Variants in COL20A1 observed in about 807,000 individuals in gnomAD.
The protein encoded by COL20A1 is collagen alpha-1(XX) chain.
COL20A1 carries 164 observed loss-of-function variants against 152.9 expected under a neutral mutation model. The ratio of observed to expected loss-of-function variants is 1.07; its 90% CI spans 0.94 to 1.22. The LOEUF (loss-of-function observed/expected upper bound fraction) is 1.22. Ranked by LOEUF, COL20A1 falls within the 50% of genes most tolerant of loss-of-function variation. The pLI is 0.00. For synonymous variants in COL20A1, 864 were observed against 756.0 expected, an observed-to-expected ratio of 1.14 and a Z score of -2.34; for missense variants, 1,873 against 1,744.8, an observed-to-expected ratio of 1.07 and a Z score of -1.31.
Position 63,315,448 on chromosome 20 carries a change from T to C in COL20A1, c.2524+9T>C. The C allele has an allele frequency of 6.4e-7, 1 of 1,568,008 alleles. No individual in the cohort carries two copies. The highest frequency in any genetic ancestry group is 8.6e-7 in the Non-Finnish European group (1 of 1,161,618). On this transcript the variant is annotated intron_variant, in intron 20 of 35. Coordinates refer to ENST00000358894, the MANE Select transcript of COL20A1 (RefSeq NM_020882.4). ...TGACGGCTCCCTCCCAGGTGGGTCC[T>C]GCATGCCCTCCCCTGCCTGCCCACC...
At chr20:63,329,777 CA>C in intron 35 of COL20A1, 116 bp downstream of exon 35, 1 of 716,514 alleles carries the variant, frequency 1.4e-6, no homozygotes, top group Non-Finnish European at 2.2e-6. Flanking sequence ...GCTGGGAGCA[CA>C]AGGCCCAGCA....
intron 18 of COL20A1, 47 bp from the exon 19 acceptor site, chr20:63,314,025 G>A (rs759876787): frequency 3.7e-6 from 6 of 1,611,542 alleles, no homozygotes; most frequent in Non-Finnish European, 4.2e-6. Context: ...GCGTGGACGA[G>A]CAAAGTTGCC....
rs1438345639 is a variant in COL20A1 at position 63,328,494 on chromosome 20, C to T, written c.3777C>T (p.Gly1259=). ...EWGRGGRHLE[G]RGEPGAVGQM... is the part of the protein sequence containing the mutation. ...GGCGTGGTGGCCGCCACCTTGAGGG[C>T]AGAGGTACTGGGCTCCTGGCTCTTG... The change falls in exon 34 of 36, where the codon GGC becomes GGT. Residue 1259 remains glycine, a synonymous_variant. Coordinates refer to ENST00000358894, the MANE Select transcript of COL20A1 (RefSeq NM_020882.4). 3.1e-6 allele frequency: 5 copies of T among 1,610,518 alleles called. No individual in the cohort carries two copies. Among genetic ancestry groups the T allele is most frequent in the Admixed American group, 3.3e-5 (2 of 59,830 alleles).
In COL20A1 at chr20:63,327,945, T is replaced by A. The variant is rs775493621; in HGVS notation, c.3529-7T>A. The A allele has an allele frequency of 5.6e-6, 9 of 1,596,096 alleles. No homozygotes were observed. The highest frequency in any genetic ancestry group is 7.7e-6 in the Non-Finnish European group (9 of 1,170,790). On this transcript the variant is annotated splice_region_variant and splice_polypyrimidine_tract_variant and intron_variant, in intron 31 of 35. Transcript: ENST00000358894. Reference sequence around the variant, plus strand: ...GCTGACTTCTTTTCTCTTCCCCTCCTCATCAGGGACTGCCAGGGCCCAAAG... The same window carrying A: ...GCTGACTTCTTTTCTCTTCCCCTCCACATCAGGGACTGCCAGGGCCCAAAG...
chr20:63,316,568 T>G lies in COL20A1; in HGVS notation c.2540T>G (p.Val847Gly). ...DGSLPGFDLM[V>G]AFSLVEKAYA... Reference sequence around the variant, plus strand: ...TCTTCCCCAGGGTTTGACCTGATGGTGGCCTTCAGCCTGGTGGAAAAGGCT... The same window carrying G: ...TCTTCCCCAGGGTTTGACCTGATGGGGGCCTTCAGCCTGGTGGAAAAGGCT... The change falls in exon 21 of 36, where the codon GTG becomes GGG. Residue 847 changes from valine to glycine, a missense_variant. By Grantham distance (109) the Val-to-Gly change is moderately radical. Transcript: ENST00000358894. 1.3e-6 allele frequency: 2 copies of G among 1,590,864 alleles called. No homozygotes were observed. Among genetic ancestry groups the G allele is most frequent in the Non-Finnish European group, 1.7e-6 (2 of 1,168,952 alleles).
At position 63,305,343 on chromosome 20, in the gene COL20A1, GT is replaced by G; in HGVS notation, c.194-71del. The G allele has an allele frequency of 7.8e-7, 1 of 1,276,280 alleles. No individual in the cohort carries two copies. Among genetic ancestry groups the G allele is most frequent in the Non-Finnish European group, 1.0e-6 (1 of 983,296 alleles). The allele number at this position is 1,276,280 out of a possible 1,614,324, so 79.1% of individuals were successfully genotyped here. ...GGGGTGGGGAGGAGGAGCCAAGAGG[GT>G]TTCACTCCCCGCCGTGACAGATGCA... On this transcript the variant is annotated intron_variant, in intron 3 of 35. Coordinates refer to ENST00000358894, the MANE Select transcript of COL20A1 (RefSeq NM_020882.4). This position sits in a 1 kb window ranked among gnomAD's most constrained non-coding sequence, Gnocchi z 4.9.
Position 63,328,568 on chromosome 20 carries a change from G to C in COL20A1, c.3781+70G>C, listed in dbSNP as rs2068289200. The C allele has an allele frequency of 2.8e-6, 4 of 1,419,710 alleles. No homozygotes were observed. In the African/African-American group the frequency reaches 5.7e-5, roughly 20 times the overall value. 87.9% of individuals were successfully genotyped at this position (1,419,710 alleles called of 1,614,324 possible). ...GGCGCCGGTTGTCCCCTGGTCCTGG[G>C]GCTGGGGCTTCAATCTGTGTCAGCA... is the stretch of plus-strand genomic sequence containing the variant. On this transcript the variant is annotated intron_variant, in intron 34 of 35. Transcript: ENST00000358894.
chr20:63,328,342 A>C lies in COL20A1; in HGVS notation c.3625A>C (p.Lys1209Gln), dbSNP rs763599429. Residue 1209 changes from lysine (K) to glutamine (Q), a missense_variant, in exon 34 of 36, where the codon AAG becomes CAG. Transcript: ENST00000358894. ...QLVSQASHVS[K>Q]FDSFHENTRP... ...CCTCCTCCCCACAGCACACGTGTCA[A>C]AGTTCGACTCCTTCCACGAGAACAC... 2.5e-6 allele frequency: 4 copies of C among 1,611,810 alleles called. No homozygotes were observed. The South Asian group carries it at 4.4e-5, about 18-fold the overall frequency.
At chr20:63,297,792 C>T in intron 2 of COL20A1, 118 bp from the exon 3 acceptor site, 1 of 737,720 alleles carries the variant, frequency 1.4e-6, no homozygotes. Context: ...CTTCGGGGTC[C>T]CCCGGGATAG....
chr20:63,326,041 GAGGGCTGGGT>G, intron 29 of COL20A1, 45 bp from the exon 30 acceptor site: 1 of 1,503,714 alleles, frequency 6.7e-7, no homozygotes, highest in South Asian at 1.1e-5. Flanking sequence ...GTCACCATGG[GAGGGCTGGGT>G]ACAGGTACAA....
intron 5 of COL20A1, 92 bp from the exon 6 acceptor site, chr20:63,307,398 C>CA: frequency 7.8e-7 from 1 of 1,280,090 alleles, no homozygotes; most frequent in Non-Finnish European, 1.1e-6. Flanking sequence ...GCCTGCCTCA[C>CA]TCTTGTGGCT....
rs1254807805 is a variant in COL20A1, at chr20:63,331,761, G to A, written c.*1045G>A. On this transcript the variant is annotated 3_prime_UTR_variant, in exon 36 of 36. Transcript: ENST00000358894. The stretch of plus-strand genomic sequence containing the variant: ...AAAGGTGCCAGAAATGAAGAGGGAA[G>A]CCATATCATTGAGGAGAGAATGAAA... 6.6e-6 allele frequency: 1 copy of A among 152,262 alleles called. No homozygotes were observed. The highest frequency in any genetic ancestry group is 1.5e-5 in the Non-Finnish European group (1 of 68,050). The allele number at this position is 152,262 out of a possible 1,614,324, so 9.4% of individuals were successfully genotyped here. A position where few individuals can be genotyped will look rare whatever the true frequency, so the allele number is the denominator to read the frequency against.
intron 3 of COL20A1, among the ~76,000 whole-genome samples, 165 bp downstream of exon 3, chr20:63,298,185 C>G (rs530224076): frequency 1.3e-5 from 2 of 152,256 alleles, no homozygotes; most frequent in African/African-American, 4.8e-5. Flanking sequence ...TCCTTTCCCC[C>G]GTCACATATG....
rs150692492 is a variant in COL20A1, at chr20:63,308,427, T to C, written c.776-115T>C. 873 of 1,096,446 alleles carry C rather than the reference T, an allele frequency of 8.0e-4. 22 individuals are homozygous for C. The East Asian group carries it at 0.023, about 28-fold the overall frequency. 67.9% of individuals were successfully genotyped at this position (1,096,446 alleles called of 1,614,324 possible). On this transcript the variant is annotated intron_variant, in intron 7 of 35. Transcript: ENST00000358894. The stretch of plus-strand genomic sequence containing the variant: ...TGCTCCCTTGGGCTGCTGCGGGGCC[T>C]CCTGATACCCCACAAGGGAAGGAGA...
rs368907357 is a variant in COL20A1, at chr20:63,307,668, G to A, written c.655+20G>A. 660 of 1,604,126 alleles carry A rather than the reference G, an allele frequency of 4.1e-4. 1 individual carries two copies. Among genetic ancestry groups the A allele is most frequent in the Middle Eastern group, 3.5e-3 (21 of 6,014 alleles). On this transcript the variant is annotated intron_variant, in intron 6 of 35. Transcript: ENST00000358894. The stretch of plus-strand genomic sequence containing the variant: ...AAGTAGGTGGGTGCTGGCCCGGCCC[G>A]CCTCCTGCCCCACCCGGGTGTGGTC...
chr20:63,295,905 C>T (rs6122421), intron 2 of COL20A1, among the ~76,000 whole-genome samples: 1 of 152,282 alleles, frequency 6.6e-6, no homozygotes, highest in Non-Finnish European at 1.5e-5. Context: ...CTCCCGGCAC[C>T]TGCAAGCTCC....
chr20:63,322,089 A>T lies in COL20A1; in HGVS notation c.3272A>T (p.Glu1091Val). Residue 1091 changes from glutamate to valine, a missense_variant, in exon 27 of 36, where the codon GAG (glutamate) becomes GTG (valine). Transcript: ENST00000358894. ...CCTGGGAGGAATGGCACCCCAGGAGAGCAGGGCTTCCCAGGGCCCAGGGTA... is the reference window on the plus strand; with the variant it reads ...CCTGGGAGGAATGGCACCCCAGGAGTGCAGGGCTTCCCAGGGCCCAGGGTA... ...GLPGRNGTPG[E>V]QGFPGPRGPP... 3 of 1,500,594 alleles carry T rather than the reference A, an allele frequency of 2.0e-6. No homozygotes were observed. Among genetic ancestry groups the T allele is most frequent in the Non-Finnish European group, 2.7e-6 (3 of 1,129,244 alleles). 93.0% of individuals were successfully genotyped at this position (1,500,594 alleles called of 1,614,324 possible).
intron 34 of COL20A1, among the ~76,000 whole-genome samples, chr20:63,328,942 C>T (rs1025628859): frequency 3.9e-5 from 6 of 152,150 alleles, no homozygotes; most frequent in Admixed American, 3.3e-4. Context: ...TGGTGCTCCT[C>T]CTCCTCTGAG....
intron 27 of COL20A1, chr20:63,324,625 C>T (rs914060043): frequency 2.0e-5 from 3 of 152,526 alleles, no homozygotes; most frequent in Non-Finnish European, 4.4e-5. Context: ...ATGATTGCTG[C>T]ATCCGTCGAA....
Sources: allele counts gnomAD v4.1 joint callset (sites outside exome capture counted in the v4.1 genomes callset), GRCh38; gene constraint gnomAD v4.1.1; non-coding constraint Gnocchi (gnomAD v3.1); transcripts MANE v1.5; gene names NCBI Gene and HGNC (gene_info 2026-07-23, HGNC 2026-07-21).